The following SH3GL2 variants were observed in gnomAD, a reference collection of about 807,000 sequenced individuals.
The protein encoded by SH3GL2 is endophilin-A1.
A neutral mutation model predicts 46.0 loss-of-function variants in SH3GL2; 24 were observed. The observed-to-expected ratio is 0.52, with a 90% CI of 0.38 to 0.73. SH3GL2 has a LOEUF of 0.73. Among genes scored for constraint, SH3GL2 ranks in the 30% least tolerant of loss-of-function variants. The pLI is 0.00. For missense variants in SH3GL2, 413 were observed against 424.2 expected (o/e 0.97, Z 0.23); for synonymous variants, 196 against 147.1 (o/e 1.33, Z -2.40).
At chr9:17,774,754 C>T (rs537818850) in intron 3 of SH3GL2, among the ~76,000 whole-genome samples, 15 of 152,162 alleles carry the variant, frequency 9.9e-5, no homozygotes, top group African/African-American at 3.1e-4. Flanking sequence ...CTGTAGTTGT[C>T]TTGTAGTGTC....
At chr9:17,709,360 G>C (rs1468239409) in intron 1 of SH3GL2, among the ~76,000 whole-genome samples, 1 of 151,978 alleles carries the variant, frequency 6.6e-6, no homozygotes, top group Non-Finnish European at 1.5e-5. Context: ...CCTAATCGCA[G>C]ATGTAAGAGC....
intron 1 of SH3GL2, among the ~76,000 whole-genome samples, chr9:17,691,758 A>G (rs1227885935): frequency 6.6e-6 from 1 of 152,150 alleles, no homozygotes; most frequent in Non-Finnish European, 1.5e-5. Flanking sequence ...TATAGATTAT[A>G]GATTTCCTTA....
At chr9:17,728,505 C>A (rs539574392) in intron 1 of SH3GL2, among the ~76,000 whole-genome samples, 3 of 151,900 alleles carry the variant, frequency 2.0e-5, no homozygotes, top group Non-Finnish European at 4.4e-5. Context: ...ACTTTAAGTT[C>A]TGGGATACAT....
intron 2 of SH3GL2, among the ~76,000 whole-genome samples, chr9:17,753,342 C>G (rs1588302790): frequency 6.6e-6 from 1 of 152,152 alleles, no homozygotes; most frequent in South Asian, 2.1e-4. Context: ...ATAAGCATTC[C>G]TTTTTCTCCA....
rs150141474 is a variant in SH3GL2, at chr9:17,787,080, G to A, written c.332-300G>A. The stretch of plus-strand genomic sequence containing the variant: ...TTTCTGGTACTTGCTTCTGCTAATA[G>A]ATTTGCCTTAAGCTAGTCCCACATT... On this transcript the variant is annotated intron_variant, in intron 4 of 8. Transcript: ENST00000380607. Among the ~76,000 whole-genome samples, 121 of 152,234 alleles carry A rather than the reference G, an allele frequency of 7.9e-4. 1 individual carries two copies. The highest frequency in any genetic ancestry group is 2.6e-3 in the African/African-American group (107 of 41,540).
intron 1 of SH3GL2, among the ~76,000 whole-genome samples, chr9:17,657,044 C>T (rs754737866): frequency 5.0e-4 from 76 of 152,098 alleles, no homozygotes; most frequent in Non-Finnish European, 1.0e-3. Flanking sequence ...TCTTAAATTA[C>T]CCGTGAAATA....
At chr9:17,627,977 G>A (rs1047621128) in intron 1 of SH3GL2, among the ~76,000 whole-genome samples, 8 of 152,162 alleles carry the variant, frequency 5.3e-5, no homozygotes, top group African/African-American at 1.9e-4. Context: ...GTTGTTGAGT[G>A]TAGAGTGGTT....
chr9:17,666,893 A>T (rs74976051), intron 1 of SH3GL2, among the ~76,000 whole-genome samples: 1 of 152,220 alleles, frequency 6.6e-6, no homozygotes, highest in East Asian at 1.9e-4. Flanking sequence ...GAGAGGACCT[A>T]TTTCTCCACA....
intron 1 of SH3GL2, among the ~76,000 whole-genome samples, chr9:17,731,384 G>A (rs1822175982): frequency 6.6e-6 from 1 of 151,190 alleles, no homozygotes; most frequent in Non-Finnish European, 1.5e-5. Flanking sequence ...TAAAAGAAGA[G>A]GAAGAGGAAA....
intron 1 of SH3GL2, among the ~76,000 whole-genome samples, chr9:17,745,308 A>G (rs1822650468): frequency 6.6e-6 from 1 of 152,234 alleles, no homozygotes; most frequent in Non-Finnish European, 1.5e-5. Context: ...ATGAAATAAC[A>G]GTTAAATAAA....
chr9:17,642,974 T>C lies in SH3GL2; in HGVS notation c.45+63687T>C, dbSNP rs538803123. On this transcript the variant is annotated intron_variant, in intron 1 of 8. Transcript: ENST00000380607. Reference sequence around the variant, plus strand: ...ATAGCATTGAATCTATAAATTACTTTGGGCAGTATGGCCATTTTCATGATA... The same window carrying C: ...ATAGCATTGAATCTATAAATTACTTCGGGCAGTATGGCCATTTTCATGATA... 1.8e-3 allele frequency among the ~76,000 whole-genome samples: 280 copies of C among 152,380 alleles called. 2 individuals carry two copies. Among genetic ancestry groups the C allele is most frequent in the Middle Eastern group, 3.4e-3 (1 of 294 alleles).
At position 17,668,011 on chromosome 9, in the gene SH3GL2, T is replaced by G. The variant is rs545033952; in HGVS notation, c.46-79055T>G. On this transcript the variant is annotated intron_variant, in intron 1 of 8. Coordinates refer to ENST00000380607, the MANE Select transcript of SH3GL2 (RefSeq NM_003026.5). ...ATTTTAAATATTGAGTTGTTTTTAT[T>G]AAGTTTATATGTTCTGGACACTAGA... is the stretch of plus-strand genomic sequence containing the variant. 2.1e-4 allele frequency among the ~76,000 whole-genome samples: 32 copies of G among 152,310 alleles called. 1 individual carries two copies. In the South Asian group the frequency reaches 6.4e-3, roughly 31 times the overall value.
intron 1 of SH3GL2, among the ~76,000 whole-genome samples, chr9:17,601,129 C>T (rs767821106): frequency 1.3e-5 from 2 of 152,170 alleles, no homozygotes; most frequent in Non-Finnish European, 2.9e-5. Flanking sequence ...TTGCAGTGCT[C>T]AACGTCTTCA....
chr9:17,752,402 T>C (rs549329360), intron 2 of SH3GL2, among the ~76,000 whole-genome samples: 1 of 152,214 alleles, frequency 6.6e-6, no homozygotes, highest in African/African-American at 2.4e-5. Context: ...TTTTAGTTTT[T>C]CATATGCCTT....
At chr9:17,679,706 G>A (rs149417659) in intron 1 of SH3GL2, among the ~76,000 whole-genome samples, 1,997 of 152,176 alleles carry the variant, frequency 0.013, 52 homozygotes, top group African/African-American at 0.046. Context: ...TGTCTTGTGC[G>A]AGTTTTCAAA....
rs147450715 is a variant in SH3GL2, at chr9:17,587,622, A to G, written c.45+8335A>G. 1.6e-3 allele frequency among the ~76,000 whole-genome samples: 244 copies of G among 152,322 alleles called. 1 individual carries two copies. Among genetic ancestry groups the G allele is most frequent in the African/African-American group, 5.6e-3 (231 of 41,570 alleles). ...GCCAAGTGCGGTAGCTCATGCCTGT[A>G]ATCCCCGCACTTTGGGAGGCCGAGG... On this transcript the variant is annotated intron_variant, in intron 1 of 8. Coordinates refer to ENST00000380607, the MANE Select transcript of SH3GL2 (RefSeq NM_003026.5).
intron 1 of SH3GL2, among the ~76,000 whole-genome samples, chr9:17,580,995 A>T (rs960983116): frequency 6.6e-6 from 1 of 152,206 alleles, no homozygotes; most frequent in African/African-American, 2.4e-5. Context: ...TTAACTTCTG[A>T]ACCTGTCCAT....
At chr9:17,683,462 T>C (rs1046887119) in intron 1 of SH3GL2, among the ~76,000 whole-genome samples, 3 of 151,998 alleles carry the variant, frequency 2.0e-5, no homozygotes, top group Non-Finnish European at 4.4e-5. Flanking sequence ...GAGACCTATT[T>C]CAGCTAGGGG....
Position 17,579,129 on chromosome 9 carries a change from CCGG to C in SH3GL2, c.-106_-104del. 1 of 639,430 alleles carries C rather than the reference CCGG, an allele frequency of 1.6e-6. No individual in the cohort carries two copies. The highest frequency in any genetic ancestry group is 2.4e-6 in the Non-Finnish European group (1 of 410,734). The allele number at this position is 639,430 out of a possible 1,614,324, so 39.6% of individuals were successfully genotyped here. ...GCTCCGCGCCCTCGCGCCCATAGCC[CCGG>C]CGGCGGCACGACCAGAGGCGGCCAG... is the stretch of plus-strand genomic sequence containing the variant. On this transcript the variant is annotated 5_prime_UTR_variant, in exon 1 of 9. Transcript: ENST00000380607.
Sources: gnomAD v4.1 joint callset for allele counts (sites outside exome capture counted in the v4.1 genomes callset) on GRCh38, gnomAD v4.1.1 for gene constraint, MANE v1.5 for transcripts, NCBI Gene and HGNC (gene_info 2026-07-23, HGNC 2026-07-21) for gene names.